SPAG9: variants seen among roughly 807,000 people sequenced by gnomAD.
SPAG9 encodes C-Jun-amino-terminal kinase-interacting protein 4.
Under a neutral mutation model 166.5 loss-of-function variants are expected in SPAG9, and 35 were observed. That is an observed-to-expected ratio of 0.21 (90% CI 0.16 to 0.28). SPAG9 has a LOEUF of 0.28. Among genes scored for constraint, SPAG9 ranks in the 10% least tolerant of loss-of-function variants. The pLI is 1.00. For missense variants in SPAG9, 1,235 were observed against 1,603.3 expected, an observed-to-expected ratio of 0.77 and a Z score of 3.92; for synonymous variants, 534 against 565.5, an observed-to-expected ratio of 0.94 and a Z score of 0.79.
At chr17:51,082,755 T>C (rs2048200458) in intron 1 of SPAG9, among the ~76,000 whole-genome samples, 1 of 152,244 alleles carries the variant, frequency 6.6e-6, no homozygotes, top group Non-Finnish European at 1.5e-5. Context: ...TGTCAGTCTA[T>C]TACCTATATT....
chr17:51,081,757 T>C (rs1598147385), intron 1 of SPAG9, among the ~76,000 whole-genome samples: 1 of 151,260 alleles, frequency 6.6e-6, no homozygotes, highest in Non-Finnish European at 1.5e-5. Context: ...AAAAAAAAAG[T>C]AAAAACAATT....
At chr17:51,052,969 G>C (rs774956956) in intron 3 of SPAG9, among the ~76,000 whole-genome samples, 1 of 151,932 alleles carries the variant, frequency 6.6e-6, no homozygotes, top group Non-Finnish European at 1.5e-5. Context: ...TGAGGTGGGA[G>C]AATTACTTGA....
Position 51,065,249 on chromosome 17 carries a change from T to C in SPAG9, c.425-8767A>G, listed in dbSNP as rs890008736. On this transcript the variant is annotated intron_variant, in intron 2 of 29. Transcript: ENST00000262013. ...GGTCTCGCTATTTTGCCCAGGCTGGTTATGAACTCCTGGGCTCAAGCAATC... is the reference window on the plus strand; with the variant it reads ...GGTCTCGCTATTTTGCCCAGGCTGGCTATGAACTCCTGGGCTCAAGCAATC... Among the ~76,000 whole-genome samples the C allele has an allele frequency of 5.9e-5, 9 of 152,080 alleles. 1 individual carries two copies. The highest frequency in any genetic ancestry group is 2.0e-4 in the Admixed American group (3 of 15,266).
At chr17:51,023,913 G>C (rs914601624) in intron 6 of SPAG9, among the ~76,000 whole-genome samples, 2 of 152,182 alleles carry the variant, frequency 1.3e-5, no homozygotes, top group African/African-American at 4.8e-5. Flanking sequence ...CGATCTGCTG[G>C]CCTCAGCCTC....
At position 51,077,041 on chromosome 17, in the gene SPAG9, T is replaced by TCTAG. The variant is rs1219566936; in HGVS notation, c.424+2539_424+2542dup. 2.3e-3 allele frequency among the ~76,000 whole-genome samples: 229 copies of TCTAG among 98,508 alleles called. 2 individuals carry two copies. The highest frequency in any genetic ancestry group is 0.012 in the Admixed American group (134 of 10,980). 64.6% of individuals were successfully genotyped at this position (98,508 alleles called of 152,430 possible). On this transcript the variant is annotated intron_variant, in intron 2 of 29. Coordinates refer to ENST00000262013, the MANE Select transcript of SPAG9 (RefSeq NM_001130528.3). ...AGCTATCTAGCTATCTATCTAGCTA[T>TCTAG]CTAGCTATCTAGCTAGCTATCTAGC...
At chr17:51,035,451 T>C (rs1033019532) in intron 5 of SPAG9, among the ~76,000 whole-genome samples, 1 of 152,186 alleles carries the variant, frequency 6.6e-6, no homozygotes, top group African/African-American at 2.4e-5. Flanking sequence ...ATAATAGGAA[T>C]TGCAAATAAC....
intron 29 of SPAG9, 72 bp downstream of exon 29, chr17:50,970,635 C>G: frequency 1.3e-4 from 163 of 1,281,202 alleles, no homozygotes; most frequent in Non-Finnish European, 7.7e-5. Context: ...AGAGTGGTTT[C>G]TTATTTACTT....
At chr17:51,037,685 A>ATATAGT in intron 5 of SPAG9, among the ~76,000 whole-genome samples, 71 of 83,504 alleles carry the variant, frequency 8.5e-4, no homozygotes, top group Middle Eastern at 5.7e-3. Flanking sequence ...ATATATATAT[A>ATATAGT]GTGTGTGTGT....
chr17:51,048,429 G>A (rs541087892), intron 3 of SPAG9, among the ~76,000 whole-genome samples: 1 of 151,722 alleles, frequency 6.6e-6, no homozygotes, highest in Admixed American at 6.6e-5. Context: ...GTCTTTCTTG[G>A]GAATATTACT....
chr17:51,114,608 C>A (rs2049228114), intron 1 of SPAG9, among the ~76,000 whole-genome samples: 2 of 151,756 alleles, frequency 1.3e-5, no homozygotes, highest in African/African-American at 4.8e-5. Flanking sequence ...CCAGCCTGGG[C>A]AACAGAGCGT....
At position 51,014,310 on chromosome 17, in the gene SPAG9, T is replaced by C; in HGVS notation, c.1135A>G (p.Thr379Ala). 6.2e-7 allele frequency: 1 copy of C among 1,613,704 alleles called. No homozygotes were observed. Among genetic ancestry groups the C allele is most frequent in the South Asian group, 1.1e-5 (1 of 91,038 alleles). ...GACAGTTCTTCAAAGAGAGATTCTG[T>C]ATTGCGATCAAAAGCTTTGTTCTCT... Reference protein sequence around the residue: ...GIENKAFDRNTESLFEELSSA... With the variant: ...GIENKAFDRNAESLFEELSSA... Residue 379 changes from threonine to alanine, a missense_variant, in exon 9 of 30, where the codon ACA (threonine) becomes GCA (alanine). By Grantham distance (58) the Thr-to-Ala change is moderately conservative (BLOSUM62 0). Transcript: ENST00000262013.
intron 6 of SPAG9, among the ~76,000 whole-genome samples, chr17:51,026,558 T>C (rs2046181074): frequency 6.6e-6 from 1 of 151,962 alleles, no homozygotes; most frequent in African/African-American, 2.4e-5. Context: ...TTACACTCTT[T>C]AAAATAGCCC....
intron 16 of SPAG9, 40 bp from the exon 17 acceptor site, chr17:50,995,573 T>C (rs756889444): frequency 6.9e-5 from 84 of 1,222,012 alleles, no homozygotes; most frequent in Non-Finnish European, 9.7e-5. Context: ...GGCACATTAG[T>C]AAGCCTCATC....
intron 2 of SPAG9, among the ~76,000 whole-genome samples, chr17:51,062,580 T>C (rs2047546408): frequency 6.6e-6 from 1 of 152,136 alleles, no homozygotes; most frequent in Non-Finnish European, 1.5e-5. Flanking sequence ...CATTTGAGGT[T>C]ACTCCATATC....
At chr17:51,012,971 T>A (rs923894674) in intron 9 of SPAG9, among the ~76,000 whole-genome samples, 28 of 152,184 alleles carry the variant, frequency 1.8e-4, no homozygotes, top group Admixed American at 1.6e-3. Flanking sequence ...GCTCAAGCGA[T>A]CCACTTGCCT....
At chr17:51,016,533 A>G (rs917880252) in intron 8 of SPAG9, among the ~76,000 whole-genome samples, 14 of 152,368 alleles carry the variant, frequency 9.2e-5, no homozygotes, top group Admixed American at 6.5e-4. Context: ...CCAGTGATTT[A>G]GTAACAGGTC....
chr17:51,055,932 C>T (rs1037793213), intron 3 of SPAG9, among the ~76,000 whole-genome samples: 8 of 152,100 alleles, frequency 5.3e-5, no homozygotes, highest in Non-Finnish European at 1.2e-4. Context: ...AAAAAACCTA[C>T]TTTTGAGTTA....
chr17:50,979,227 A>T (rs1974408508), intron 26 of SPAG9, among the ~76,000 whole-genome samples: 1 of 151,328 alleles, frequency 6.6e-6, no homozygotes, highest in South Asian at 2.1e-4. Flanking sequence ...AAAAAAAAAA[A>T]GTAGCCAACA....
chr17:51,033,762 C>T (rs2046474589), intron 5 of SPAG9, among the ~76,000 whole-genome samples: 1 of 152,216 alleles, frequency 6.6e-6, no homozygotes, highest in Admixed American at 6.5e-5. Flanking sequence ...GTGCCTAACA[C>T]AGTGAGCATC....
Sources: allele counts gnomAD v4.1 joint callset (sites outside exome capture counted in the v4.1 genomes callset), GRCh38; gene constraint gnomAD v4.1.1; transcripts MANE v1.5; gene names NCBI Gene and HGNC (gene_info 2026-07-23, HGNC 2026-07-21).